Variants in SGCZ observed in about 807,000 individuals in gnomAD.
SGCZ encodes the protein sarcoglycan zeta, also known as zeta-sarcoglycan.
A neutral mutation model predicts 41.3 loss-of-function variants in SGCZ; 40 were observed. The observed-to-expected ratio is 0.97, with a 90% CI of 0.75 to 1.26. The LOEUF is 1.26. Ranked by LOEUF, SGCZ falls within the 50% of genes most tolerant of loss-of-function variation. The pLI is 0.00. For synonymous variants in SGCZ, 206 were observed against 137.5 expected, an observed-to-expected ratio of 1.50 and a Z score of -3.49; for missense variants, 552 against 369.8, an observed-to-expected ratio of 1.49 and a Z score of -4.04.
At chr8:14,368,920 TG>T (rs1362058107) in intron 2 of SGCZ, among the ~76,000 whole-genome samples, 1 of 151,936 alleles carries the variant, frequency 6.6e-6, no homozygotes, top group Non-Finnish European at 1.5e-5. Context: ...TACATTACAA[TG>T]GGCTTTTAAC....
At chr8:15,230,131 C>T (rs1464360928) in intron 1 of SGCZ, among the ~76,000 whole-genome samples, 1 of 150,532 alleles carries the variant, frequency 6.6e-6, no homozygotes, top group Non-Finnish European at 1.5e-5. Flanking sequence ...AAATATCAAC[C>T]AACGGTAATT....
At chr8:14,281,578 C>A (rs961829862) in intron 3 of SGCZ, among the ~76,000 whole-genome samples, 3 of 151,912 alleles carry the variant, frequency 2.0e-5, no homozygotes, top group Non-Finnish European at 4.4e-5. Context: ...AATTTATAGA[C>A]CATCTAGTGA....
intron 5 of SGCZ, among the ~76,000 whole-genome samples, chr8:14,146,858 C>T (rs1803537925): frequency 8.8e-6 from 1 of 113,880 alleles, no homozygotes; most frequent in Non-Finnish European, 1.8e-5. Flanking sequence ...GGCGACAGAG[C>T]GAGACTCCGT....
chr8:14,664,881 T>C (rs1025952424), intron 1 of SGCZ, among the ~76,000 whole-genome samples: 3 of 152,112 alleles, frequency 2.0e-5, no homozygotes, highest in Admixed American at 6.6e-5. Flanking sequence ...GACATATGGA[T>C]TGTGGTTAGT....
intron 1 of SGCZ, among the ~76,000 whole-genome samples, chr8:15,049,868 T>C (rs58881962): frequency 0.14 from 21,686 of 152,206 alleles, 1,746 homozygotes; most frequent in South Asian, 0.25. Context: ...CAAGCTGTCT[T>C]GCCTGCCACC....
chr8:14,598,056 A>G (rs1367904660), intron 1 of SGCZ, among the ~76,000 whole-genome samples: 1 of 152,182 alleles, frequency 6.6e-6, no homozygotes, highest in African/African-American at 2.4e-5. Flanking sequence ...AAAAATTATG[A>G]GTATACTTAT....
chr8:14,501,460 A>G (rs1402188269), intron 2 of SGCZ, among the ~76,000 whole-genome samples: 1 of 152,104 alleles, frequency 6.6e-6, no homozygotes, highest in African/African-American at 2.4e-5. Context: ...ATGCCTACAA[A>G]TTAAATATTG....
intron 4 of SGCZ, among the ~76,000 whole-genome samples, chr8:14,219,169 C>A (rs992021276): frequency 1.3e-5 from 2 of 152,270 alleles, no homozygotes; most frequent in East Asian, 1.9e-4. Flanking sequence ...TGATGACAAC[C>A]AGTGATGACC....
At chr8:14,543,300 T>C (rs1308684412) in intron 2 of SGCZ, among the ~76,000 whole-genome samples, 1 of 152,058 alleles carries the variant, frequency 6.6e-6, no homozygotes, top group African/African-American at 2.4e-5. Context: ...TGTTCAAATA[T>C]TCTTTCTAAT....
intron 3 of SGCZ, among the ~76,000 whole-genome samples, chr8:14,262,745 A>G (rs1799717671): frequency 6.6e-6 from 1 of 151,772 alleles, no homozygotes; most frequent in African/African-American, 2.4e-5. Context: ...ATCGTGATAT[A>G]TGAGCATAAA....
chr8:14,625,183 A>G (rs963755220), intron 1 of SGCZ, among the ~76,000 whole-genome samples: 2 of 152,180 alleles, frequency 1.3e-5, no homozygotes, highest in African/African-American at 2.4e-5. Context: ...TAACTTAAAG[A>G]TAAGTTATTC....
chr8:14,331,269 T>G (rs973857140), intron 2 of SGCZ, among the ~76,000 whole-genome samples: 3 of 152,094 alleles, frequency 2.0e-5, no homozygotes, highest in Non-Finnish European at 4.4e-5. Flanking sequence ...ATTTTGCTAT[T>G]AATTTTTAAA....
chr8:15,014,898 G>C (rs1179474163), intron 1 of SGCZ, among the ~76,000 whole-genome samples: 2 of 152,174 alleles, frequency 1.3e-5, no homozygotes, highest in Non-Finnish European at 2.9e-5. Context: ...GGCCCAAGCA[G>C]CCTTCTGTAA....
At chr8:15,196,383 GA>G (rs1335282454) in intron 1 of SGCZ, among the ~76,000 whole-genome samples, 2 of 152,132 alleles carry the variant, frequency 1.3e-5, no homozygotes, top group Non-Finnish European at 2.9e-5. Context: ...ACACCCCAGT[GA>G]AAAAGTGCAG....
chr8:14,783,172 G>A (rs1335581249), intron 1 of SGCZ, among the ~76,000 whole-genome samples: 4 of 152,202 alleles, frequency 2.6e-5, no homozygotes, highest in East Asian at 1.9e-4. Flanking sequence ...GGTGGCTCAC[G>A]CATGTAATAC....
At chr8:14,515,604 G>T (rs1802597335) in intron 2 of SGCZ, among the ~76,000 whole-genome samples, 1 of 152,048 alleles carries the variant, frequency 6.6e-6, no homozygotes, top group African/African-American at 2.4e-5. Flanking sequence ...GAAATGTAAA[G>T]CAGAATGCAA....
At chr8:14,702,834 TAGATAGATAGATAGATAGATA>T (rs1369587135) in intron 1 of SGCZ, among the ~76,000 whole-genome samples, 1 of 108,418 alleles carries the variant, frequency 9.2e-6, no homozygotes, top group Non-Finnish European at 2.0e-5. Context: ...GATAGATAGA[TAGATAGATAGATAGATAGATA>T]GATAGATAGA....
intron 2 of SGCZ, among the ~76,000 whole-genome samples, chr8:14,479,731 C>A (rs949262121): frequency 2.6e-4 from 14 of 52,974 alleles, no homozygotes; most frequent in African/African-American, 6.6e-4. Flanking sequence ...AATTCTACTT[C>A]TTTTTTTTTT....
At chr8:14,854,943 T>C (rs1322777110) in intron 1 of SGCZ, among the ~76,000 whole-genome samples, 1 of 151,506 alleles carries the variant, frequency 6.6e-6, no homozygotes, top group Non-Finnish European at 1.5e-5. Context: ...CAGAGGTCCA[T>C]GCTATGGCCT....
Sources: gnomAD v4.1 joint callset for allele counts (sites outside exome capture counted in the v4.1 genomes callset) on GRCh38, gnomAD v4.1.1 for gene constraint, MANE v1.5 for transcripts, NCBI Gene and HGNC (gene_info 2026-07-23, HGNC 2026-07-21) for gene names.